CCSER2: variants seen among roughly 807,000 people sequenced by gnomAD.
The protein encoded by CCSER2 is coiled-coil serine rich protein 2.
A neutral mutation model predicts 92.3 loss-of-function variants in CCSER2; 46 were observed. That is an observed-to-expected ratio of 0.50 (90% confidence interval 0.39 to 0.64). The LOEUF (loss-of-function observed/expected upper bound fraction) is 0.64, where lower values mean the gene tolerates loss of function less well. Ranked by LOEUF, CCSER2 falls within the 30% of genes least tolerant of loss-of-function variation. The pLI is 0.00. For synonymous variants in CCSER2, 433 were observed against 431.4 expected (o/e 1.00, Z -0.04); for missense variants, 1,244 against 1,238.9 (o/e 1.00, Z -0.06).
At chr10:84,406,238 T>G (rs913426816) in intron 3 of CCSER2, among the ~76,000 whole-genome samples, 3 of 152,140 alleles carry the variant, frequency 2.0e-5, no homozygotes, top group Non-Finnish European at 4.4e-5. Flanking sequence ...GGAGAACAGA[T>G]CAGTGTTTGA....
chr10:84,499,931 A>G, intron 9 of CCSER2: 1 of 1,613,794 alleles, frequency 6.2e-7, no homozygotes, highest in Non-Finnish European at 8.5e-7. Context: ...AGGGGATCCC[A>G]CGGACTGTTC....
chr10:84,476,111 C>T (rs919780653), intron 8 of CCSER2, among the ~76,000 whole-genome samples: 17 of 152,240 alleles, frequency 1.1e-4, no homozygotes, highest in African/African-American at 3.9e-4. Flanking sequence ...ACTGGGAGTA[C>T]AGGTGTGAGC....
intron 1 of CCSER2, among the ~76,000 whole-genome samples, chr10:84,341,367 T>A (rs113466872): frequency 1.4e-5 from 2 of 147,862 alleles, no homozygotes; most frequent in Non-Finnish European, 3.0e-5. Flanking sequence ...TTTTTTTTTT[T>A]AGAGGCGGAG....
chr10:84,455,697 G>A (rs1845576085), intron 6 of CCSER2: 1 of 761,474 alleles, frequency 1.3e-6, no homozygotes, highest in East Asian at 2.5e-5. Flanking sequence ...CTCCCACTTA[G>A]ATTCTTTACC....
Position 84,514,072 on chromosome 10 carries a change from C to G in CCSER2, c.2949C>G (p.Pro983=), listed in dbSNP as rs1849508878. 6.5e-7 allele frequency: 1 copy of G among 1,536,170 alleles called. No individual in the cohort carries two copies. The highest frequency in any genetic ancestry group is 1.2e-5 in the South Asian group (1 of 84,062). ...ATCTGAAAGCATCTAAGCTCCGCCC[C>G]CCCTCAGGCTCTTTCAAACAAAAAC... ...NQNLKASKLR[P]PSGSFKQKQT... Residue 983 remains proline (P), a synonymous_variant, in exon 10 of 10, where the codon CCC becomes CCG. Coordinates refer to ENST00000372088, the MANE Select transcript of CCSER2 (RefSeq NM_001284240.2).
intron 6 of CCSER2, chr10:84,456,147 C>A: frequency 3.4e-6 from 1 of 297,356 alleles, no homozygotes; most frequent in South Asian, 3.6e-5. Context: ...CAAACACAGA[C>A]CCCCACCTGC....
intron 7 of CCSER2, among the ~76,000 whole-genome samples, chr10:84,465,137 C>A (rs1022140987): frequency 6.6e-6 from 1 of 150,478 alleles, no homozygotes; most frequent in African/African-American, 2.4e-5. Context: ...CAGTTGAGAA[C>A]CATTGACTTA....
intron 1 of CCSER2, among the ~76,000 whole-genome samples, chr10:84,367,632 G>A (rs996543527): frequency 8.6e-5 from 13 of 151,410 alleles, no homozygotes; most frequent in Admixed American, 8.5e-4. Context: ...ACCCACCTTA[G>A]CCTCCTCGAT....
At chr10:84,375,143 T>C (rs1256357079) in intron 3 of CCSER2, among the ~76,000 whole-genome samples, 3 of 152,170 alleles carry the variant, frequency 2.0e-5, no homozygotes, top group Non-Finnish European at 4.4e-5. Flanking sequence ...CTGACAGTTT[T>C]TGGAGGCTAA....
intron 6 of CCSER2, among the ~76,000 whole-genome samples, chr10:84,451,066 CA>C (rs1845252631): frequency 6.6e-6 from 1 of 151,762 alleles, no homozygotes; most frequent in Non-Finnish European, 1.5e-5. Context: ...TTGGAAACAT[CA>C]AAGGATAAGA....
chr10:84,370,534 C>T (rs1846006276), intron 1 of CCSER2, among the ~76,000 whole-genome samples: 1 of 152,046 alleles, frequency 6.6e-6, no homozygotes. Context: ...GTAGGATTTT[C>T]TAGATATATA....
At chr10:84,398,078 C>T (rs1394021514) in intron 3 of CCSER2, among the ~76,000 whole-genome samples, 1 of 152,230 alleles carries the variant, frequency 6.6e-6, no homozygotes, top group Non-Finnish European at 1.5e-5. Context: ...AAGTCAGACA[C>T]ATGTCTCTGC....
chr10:84,505,621 C>T (rs886515901), intron 9 of CCSER2, among the ~76,000 whole-genome samples: 2 of 151,984 alleles, frequency 1.3e-5, no homozygotes, highest in African/African-American at 2.4e-5. Context: ...AATTCAATTT[C>T]GTGTATGCTC....
At position 84,373,629 on chromosome 10, in the gene CCSER2, ATGTACAAAACATACTTC is replaced by A; in HGVS notation, c.1431_1447del (p.Cys477TrpfsTer3). ...TTTTTTCTCTTGAAGACAGGAGTGAATGTACAAAACATACTTCTGGGAATAATTTGGTTTCACCAGAT... is the reference window on the plus strand; with the variant it reads ...TTTTTTCTCTTGAAGACAGGAGTGAATGGGAATAATTTGGTTTCACCAGAT... On this transcript the variant is annotated frameshift_variant, in exon 3 of 10. Transcript: ENST00000372088. LOFTEE classifies it high-confidence loss of function. The A allele has an allele frequency of 6.2e-7, 1 of 1,610,038 alleles. No homozygotes were observed. Among genetic ancestry groups the A allele is most frequent in the Non-Finnish European group, 8.5e-7 (1 of 1,176,764 alleles).
chr10:84,343,093 G>T lies in CCSER2; in HGVS notation c.-40+14285G>T, dbSNP rs754377160. ...TTACCATGTTGGCCAGGCTGGTCTC[G>T]AACTCCTAACCTCAAACGGCCCCCT... On this transcript the variant is annotated intron_variant, in intron 1 of 9. Coordinates refer to ENST00000372088, the MANE Select transcript of CCSER2 (RefSeq NM_001284240.2). Among the ~76,000 whole-genome samples, 13 of 152,224 alleles carry T rather than the reference G, an allele frequency of 8.5e-5. 1 individual carries two copies. In the Middle Eastern group the frequency reaches 0.01, roughly 119 times the overall value.
In CCSER2 at chr10:84,513,703, C is replaced by T; in HGVS notation, c.2580C>T (p.Asn860=). 3 of 1,540,732 alleles carry T rather than the reference C, an allele frequency of 1.9e-6. No homozygotes were observed. Among genetic ancestry groups the T allele is most frequent in the Non-Finnish European group, 2.6e-6 (3 of 1,148,044 alleles). The part of the protein sequence containing the change: ...DVAKSTPSEA[N]LNITVNAQEP... ...CTAAGAGTACACCTTCTGAAGCAAA[C>T]TTAAACATTACTGTAAATGCTCAAG... The change falls in exon 10 of 10, where the codon AAC becomes AAT. Residue 860 remains asparagine (N), a synonymous_variant. Transcript: ENST00000372088.
chr10:84,483,588 A>G (rs925717550), intron 9 of CCSER2, among the ~76,000 whole-genome samples: 1 of 152,028 alleles, frequency 6.6e-6, no homozygotes, highest in Non-Finnish European at 1.5e-5. Context: ...GTGGAAATTT[A>G]TCAGCAAAGA....
At chr10:84,332,586 G>A (rs1019973376) in intron 1 of CCSER2, among the ~76,000 whole-genome samples, 4 of 150,730 alleles carry the variant, frequency 2.7e-5, no homozygotes, top group South Asian at 2.1e-4. Flanking sequence ...CTACAGGCAC[G>A]CGCCACCACG....
intron 3 of CCSER2, chr10:84,390,928 G>A (rs1175329520): frequency 1.3e-6 from 1 of 751,972 alleles, no homozygotes; most frequent in Non-Finnish European, 2.5e-6. Flanking sequence ...GGCTTGTACA[G>A]CACCTGTTAC....
Sources: allele counts gnomAD v4.1 joint callset (sites outside exome capture counted in the v4.1 genomes callset), GRCh38; gene constraint gnomAD v4.1.1; transcripts MANE v1.5; gene names NCBI Gene and HGNC (gene_info 2026-07-23, HGNC 2026-07-21).